NID2: variants seen among roughly 807,000 people sequenced by gnomAD.
NID2 encodes nidogen 2.
A neutral mutation model predicts 145.4 loss-of-function variants in NID2; 83 were observed. The observed-to-expected ratio is 0.57, with a 90% CI of 0.48 to 0.69. The LOEUF (loss-of-function observed/expected upper bound fraction) is 0.69. NID2 is among the 30% of genes least tolerant of loss of function. The pLI, the probability that NID2 is intolerant of heterozygous loss-of-function variation, is 0.00. For missense variants in NID2, 1,807 were observed against 1,765.7 expected, an observed-to-expected ratio of 1.02 and a Z score of -0.42; for synonymous variants, 739 against 701.3, an observed-to-expected ratio of 1.05 and a Z score of -0.85.
Position 52,028,775 on chromosome 14 carries a change from C to T in NID2, c.2477G>A (p.Arg826Lys), listed in dbSNP as rs778178233. The change falls in exon 11 of 22, where the codon AGG becomes AAG. Residue 826 changes from arginine to lysine, a missense_variant. By Grantham distance (26) the Arg-to-Lys change is conservative. Coordinates refer to ENST00000216286, the MANE Select transcript of NID2 (RefSeq NM_007361.4). ...CTCATAACCACTCCGGCACTCACAC[C>T]TGTAGCTTCCAGGCAAGTTGATACA... ...SVCINLPGSYRCECRSGYEFA... is the reference protein window; with the variant it reads ...SVCINLPGSYKCECRSGYEFA... 2 of 1,614,126 alleles carry T rather than the reference C, an allele frequency of 1.2e-6. No individual in the cohort carries two copies. The highest frequency in any genetic ancestry group is 1.7e-6 in the Non-Finnish European group (2 of 1,179,992).
At chr14:52,039,828 G>T (rs1307327587) in intron 8 of NID2, among the ~76,000 whole-genome samples, 1 of 152,236 alleles carries the variant, frequency 6.6e-6, no homozygotes, top group African/African-American at 2.4e-5. Flanking sequence ...TACATTCTCA[G>T]ATATTAAGAG....
intron 14 of NID2, among the ~76,000 whole-genome samples, chr14:52,018,441 C>A (rs1480710988): frequency 6.6e-6 from 1 of 152,164 alleles, no homozygotes; most frequent in Non-Finnish European, 1.5e-5. Flanking sequence ...CCCCACCCAG[C>A]TGGGGAATGC....
intron 2 of NID2, among the ~76,000 whole-genome samples, chr14:52,064,448 C>T (rs1227614648): frequency 6.6e-6 from 1 of 152,178 alleles, no homozygotes; most frequent in Non-Finnish European, 1.5e-5. Context: ...TGCTAATGTG[C>T]TAGCTCAGGT....
rs540622193 is a variant in NID2, at chr14:52,065,923, G to T, written c.534+1935C>A. 7.6e-5 allele frequency among the ~76,000 whole-genome samples: 11 copies of T among 145,120 alleles called. No individual in the cohort carries two copies. The East Asian group carries it at 1.6e-3, about 21-fold the overall frequency. ...CTATCATTGTTGGACATTTGGGTTG[G>T]TTCCAAGTCTTTGCTATTGTGAATA... On this transcript the variant is annotated intron_variant, in intron 2 of 21. Coordinates refer to ENST00000216286, the MANE Select transcript of NID2 (RefSeq NM_007361.4).
At chr14:52,035,207 A>G (rs978725759) in intron 9 of NID2, among the ~76,000 whole-genome samples, 60 of 152,320 alleles carry the variant, frequency 3.9e-4, no homozygotes, top group African/African-American at 1.4e-3. Flanking sequence ...GCCTATAACC[A>G]ACATTACAAT....
At chr14:52,027,491 T>G in intron 11 of NID2, 147 bp from the exon 12 acceptor site, 1 of 596,544 alleles carries the variant, frequency 1.7e-6, no homozygotes, top group Non-Finnish European at 2.6e-6. Flanking sequence ...ATTCAGAATC[T>G]GGATTTTAAT....
Position 52,042,093 on chromosome 14 carries a change from G to A in NID2, c.1825+12C>T. On this transcript the variant is annotated intron_variant, in intron 7 of 21. Transcript: ENST00000216286. ...AATGCTGACTACCGGCCTTCTCAGA[G>A]GCCCTACTCACCTGCGAGGCTGAAG... The A allele has an allele frequency of 6.4e-7, 1 of 1,572,870 alleles. No homozygotes were observed. The highest frequency in any genetic ancestry group is 8.6e-7 in the Non-Finnish European group (1 of 1,157,566).
At position 52,011,660 on chromosome 14, in the gene NID2, A is replaced by G. The variant is rs767082730; in HGVS notation, c.3444T>C (p.Asp1148=). The change falls in exon 17 of 22, where the codon GAT becomes GAC. Residue 1148 remains aspartate, a synonymous_variant. Transcript: ENST00000216286. ...ACACCATCCTCTCCCGGCAGTCGTA[A>G]TCAATTCCCACGATTATGGAGCCCT... ...SLHGSIIVGI[D]YDCRERMVYW... The G allele has an allele frequency of 2.4e-5, 38 of 1,614,086 alleles. No homozygotes were observed. Among genetic ancestry groups the G allele is most frequent in the Non-Finnish European group, 3.1e-5 (37 of 1,180,050 alleles).
chr14:52,040,630 G>T, intron 8 of NID2, 21 bp downstream of exon 8: 1 of 1,600,882 alleles, frequency 6.2e-7, no homozygotes. Context: ...TTTTACAGAT[G>T]TGAAGACTGG....
In NID2 at chr14:52,005,007, TTTTGTTGGGAAACTATA is replaced by T. The variant is rs1013679940; in HGVS notation, c.*462_*478del. On this transcript the variant is annotated 3_prime_UTR_variant, in exon 22 of 22. Transcript: ENST00000216286. ...ATGCAGAGGTAAAAAATCTTAGAAC[TTTTGTTGGGAAACTATA>T]AATAATTGGTCCTTTCCCATCAGTT... 1.3e-5 allele frequency: 2 copies of T among 157,216 alleles called. No homozygotes were observed. Among genetic ancestry groups the T allele is most frequent in the African/African-American group, 4.8e-5 (2 of 41,576 alleles). 9.7% of individuals were successfully genotyped at this position (157,216 alleles called of 1,614,324 possible). A position where few individuals can be genotyped will look rare whatever the true frequency, so the allele number is the denominator to read the frequency against.
chr14:52,014,937 G>A (rs1001723022), intron 15 of NID2, 117 bp downstream of exon 15: 20 of 813,344 alleles, frequency 2.5e-5, no homozygotes, highest in Middle Eastern at 3.5e-4. Flanking sequence ...AGCACATAGT[G>A]ACTTCTTTCA....
chr14:52,006,624 G>A lies in NID2; in HGVS notation c.3917C>T (p.Thr1306Ile), dbSNP rs992421072. ...KKLECTLPDG[T>I]GRRVIQNNLK... Reference sequence around the variant, plus strand: ...GTTGTTTTGAATGACACGCCGTCCAGTTCCATCAGGTAGTGTACACTCCAG... The same window carrying A: ...GTTGTTTTGAATGACACGCCGTCCAATTCCATCAGGTAGTGTACACTCCAG... The change falls in exon 20 of 22, where the codon ACT becomes ATT. Residue 1306 changes from threonine (T) to isoleucine (I), a missense_variant. Thr to Ile is a moderately conservative substitution (Grantham distance 89, BLOSUM62 -1). Transcript: ENST00000216286. 3.7e-6 allele frequency: 6 copies of A among 1,613,844 alleles called. No homozygotes were observed. The highest frequency in any genetic ancestry group is 3.4e-6 in the Non-Finnish European group (4 of 1,179,762).
intron 9 of NID2, among the ~76,000 whole-genome samples, chr14:52,032,710 T>C (rs1891910332): frequency 6.6e-6 from 1 of 151,886 alleles, no homozygotes; most frequent in Non-Finnish European, 1.5e-5. Flanking sequence ...TATTCAGTAC[T>C]TTCCAGCATC....
At chr14:52,059,691 GT>G (rs1396262259) in intron 3 of NID2, among the ~76,000 whole-genome samples, 2 of 152,198 alleles carry the variant, frequency 1.3e-5, no homozygotes, top group Non-Finnish European at 2.9e-5. Flanking sequence ...ATAAATCTTA[GT>G]TATTTTTCCT....
rs746616209 is a variant in NID2 at position 52,029,573 on chromosome 14, T to C, written c.2375A>G (p.Tyr792Cys). Residue 792 changes from tyrosine (Y) to cysteine (C), a missense_variant, in exon 10 of 22, where the codon TAC becomes TGC. Transcript: ENST00000216286. ...CACACAGTTCCGTCCATCTCCCTGG[T>C]ACCCAGATGCGCACTCACAGGTGTA... is the stretch of plus-strand genomic sequence containing the variant. ...VDYTCECASG[Y>C]QGDGRNCVDE... 9 of 1,613,484 alleles carry C rather than the reference T, an allele frequency of 5.6e-6. No individual in the cohort carries two copies. Among genetic ancestry groups the C allele is most frequent in the Non-Finnish European group, 8.5e-7 (1 of 1,179,550 alleles).
chr14:52,024,122 T>C (rs1165396147), intron 12 of NID2, among the ~76,000 whole-genome samples: 3 of 152,240 alleles, frequency 2.0e-5, no homozygotes, highest in Non-Finnish European at 4.4e-5. Flanking sequence ...CATTCTCTAC[T>C]ACTCCACAAT....
At chr14:52,030,673 GAAAGAAAAGGA>G (rs1183954972) in intron 9 of NID2, among the ~76,000 whole-genome samples, 1 of 151,288 alleles carries the variant, frequency 6.6e-6, no homozygotes, top group Non-Finnish European at 1.5e-5. Context: ...AAAAAGAAAA[GAAAGAAAAGGA>G]AAAGAAAAGA....
intron 14 of NID2, among the ~76,000 whole-genome samples, chr14:52,017,365 G>C (rs79419087): frequency 1.3e-5 from 2 of 152,212 alleles, no homozygotes; most frequent in Admixed American, 1.3e-4. Context: ...GGCACAGAGC[G>C]TCCTTACCCT....
At chr14:52,017,594 G>A (rs1443215254) in intron 14 of NID2, among the ~76,000 whole-genome samples, 2 of 148,540 alleles carry the variant, frequency 1.3e-5, no homozygotes, top group Non-Finnish European at 3.0e-5. Flanking sequence ...AAATTTAATC[G>A]AATTCTGAAC....
Sources: gnomAD v4.1 joint callset for allele counts (sites outside exome capture counted in the v4.1 genomes callset) on GRCh38, gnomAD v4.1.1 for gene constraint, MANE v1.5 for transcripts, NCBI Gene and HGNC (gene_info 2026-07-23, HGNC 2026-07-21) for gene names.